Variants in FAM156A observed in about 807,000 individuals in gnomAD.
FAM156A encodes family with sequence similarity 156 member A.
At chrX:52,993,711 G>A (rs965724273) in intron 1 of FAM156A, among the ~76,000 whole-genome samples, 2 of 111,568 alleles carry the variant, frequency 1.8e-5, no homozygotes, top group Admixed American at 1.9e-4. Flanking sequence ...CACTGCGTCA[G>A]CCACTGTCTT....
chrX:52,979,127 G>C (rs1395339142), intron 1 of FAM156A, among the ~76,000 whole-genome samples: 1 of 111,859 alleles, frequency 8.9e-6, no homozygotes, highest in African/African-American at 3.3e-5. Context: ...TCAGAGCAAA[G>C]TAACACAGGA....
At chrX:52,977,151 A>C (rs1157510564) in intron 1 of FAM156A, among the ~76,000 whole-genome samples, 2 of 106,948 alleles carry the variant, frequency 1.9e-5, no homozygotes, top group Non-Finnish European at 3.8e-5. Context: ...TATATAAATG[A>C]AGAGAGAGAG....
chrX:52,980,798 G>A (rs2146606070), intron 1 of FAM156A, among the ~76,000 whole-genome samples: 1 of 88,375 alleles, frequency 1.1e-5, no homozygotes, highest in East Asian at 3.5e-4. Flanking sequence ...GTGTGTGTGT[G>A]TGTGTGTGTG....
intron 1 of FAM156A, among the ~76,000 whole-genome samples, chrX:52,974,211 A>G (rs1315065274): frequency 1.8e-5 from 2 of 112,391 alleles, no homozygotes; most frequent in Admixed American, 1.9e-4. Flanking sequence ...ATATAATGTA[A>G]GACAACAATA....
chrX:52,991,079 T>C (rs1291163954), intron 1 of FAM156A, among the ~76,000 whole-genome samples: 2 of 111,311 alleles, frequency 1.8e-5, no homozygotes, highest in African/African-American at 3.3e-5. Context: ...TGAATACCGA[T>C]AGTATTGGTA....
At chrX:52,978,863 G>A (rs782542424) in intron 1 of FAM156A, among the ~76,000 whole-genome samples, 2 of 111,797 alleles carry the variant, frequency 1.8e-5, no homozygotes, top group Non-Finnish European at 3.8e-5. Flanking sequence ...AAGAAGCTGT[G>A]TCACTGGGAA....
At chrX:52,988,070 G>A (rs1225581720) in intron 1 of FAM156A, among the ~76,000 whole-genome samples, 2 of 110,358 alleles carry the variant, frequency 1.8e-5, no homozygotes, top group African/African-American at 3.3e-5. Context: ...GTGAAACCCC[G>A]TCTCTACTAA....
At chrX:52,972,806 C>A in intron 1 of FAM156A, among the ~76,000 whole-genome samples, 1 of 32,447 alleles carries the variant, frequency 3.1e-5, no homozygotes, top group Non-Finnish European at 5.2e-5. Context: ...GACTTGGAAC[C>A]AACCAAAATG....
chrX:52,978,548 G>A (rs1435420074), intron 1 of FAM156A, among the ~76,000 whole-genome samples: 1 of 112,475 alleles, frequency 8.9e-6, no homozygotes, highest in African/African-American at 3.2e-5. Context: ...AGAGCCACGG[G>A]CATCGCGAAA....
At chrX:52,992,250 G>C (rs184734645) in intron 1 of FAM156A, among the ~76,000 whole-genome samples, 1 of 111,540 alleles carries the variant, frequency 9.0e-6, no homozygotes, top group East Asian at 2.9e-4. Flanking sequence ...ACATGTCCTG[G>C]GCTATTGTGG....
chrX:52,974,482 GT>G (rs1457492191), intron 1 of FAM156A, among the ~76,000 whole-genome samples: 1 of 110,462 alleles, frequency 9.1e-6, no homozygotes, highest in Admixed American at 9.6e-5. Flanking sequence ...AACAAATTAA[GT>G]TTTTTTTTGA....
At chrX:52,991,040 C>T (rs1440022776) in intron 1 of FAM156A, among the ~76,000 whole-genome samples, 1 of 111,053 alleles carries the variant, frequency 9.0e-6, no homozygotes, top group African/African-American at 3.3e-5. Context: ...AGGTGGTCAG[C>T]CAGTGTCTGG....
chrX:52,993,566 C>T (rs1556796060), intron 1 of FAM156A, among the ~76,000 whole-genome samples: 1 of 109,718 alleles, frequency 9.1e-6, no homozygotes, highest in African/African-American at 3.3e-5. Context: ...AGGTGTCTGC[C>T]ACCACGCCTG....
At chrX:52,975,051 T>TACACACATACAC in intron 1 of FAM156A, among the ~76,000 whole-genome samples, 1 of 83,671 alleles carries the variant, frequency 1.2e-5, no homozygotes, top group Non-Finnish European at 2.3e-5. Context: ...GTTAAACACA[T>TACACACATACAC]ACACACACAC....
intron 1 of FAM156A, among the ~76,000 whole-genome samples, chrX:52,973,619 C>T (rs1556791362): frequency 8.9e-6 from 1 of 111,962 alleles, no homozygotes; most frequent in Non-Finnish European, 1.9e-5. Flanking sequence ...TGGATCTACA[C>T]ACAGAACTTC....
chrX:52,986,080 T>C (rs957769468), intron 1 of FAM156A, among the ~76,000 whole-genome samples: 2 of 110,606 alleles, frequency 1.8e-5, no homozygotes, highest in Non-Finnish European at 3.8e-5. Context: ...ACAACAAACA[T>C]ACATGTGCAT....
chrX:52,984,445 A>C (rs1460375738), intron 1 of FAM156A, among the ~76,000 whole-genome samples: 5 of 112,520 alleles, frequency 4.4e-5, no homozygotes, highest in African/African-American at 1.6e-4. Flanking sequence ...AATCATGGGA[A>C]TCCTTCCCAA....
intron 1 of FAM156A, among the ~76,000 whole-genome samples, chrX:52,992,578 A>T (rs1930857513): frequency 9.2e-6 from 1 of 108,575 alleles, no homozygotes; most frequent in Non-Finnish European, 1.9e-5. Flanking sequence ...CCCACTTCCC[A>T]CAGCACTCTG....
rs782650049 is a variant in FAM156A, at chrX:52,991,764, C to T, written c.-434+3542G>A. 4.4e-4 allele frequency among the ~76,000 whole-genome samples: 49 copies of T among 110,478 alleles called. 1 individual carries two copies. Among genetic ancestry groups the T allele is most frequent in the African/African-American group, 1.5e-3 (45 of 30,030 alleles). ...GTAGGCAGAATAGTGGCCCCCCAAA[C>T]ACATCCATGTCATTATTGCTAGAAC... On this transcript the variant is annotated intron_variant, in intron 1 of 4. Transcript: ENST00000610625.
Sources: allele counts gnomAD v4.1 joint callset (sites outside exome capture counted in the v4.1 genomes callset), GRCh38; gene constraint gnomAD v4.1.1; transcripts MANE v1.5; gene names NCBI Gene and HGNC (gene_info 2026-07-23, HGNC 2026-07-21).